The following RSF1 variants were observed in gnomAD, a reference collection of about 807,000 sequenced individuals.
The protein encoded by RSF1 is HBV pX-associated protein 8.
RSF1 carries 13 observed loss-of-function variants against 145.2 expected under a neutral mutation model. The ratio of observed to expected loss-of-function variants is 0.09; its 90% CI spans 0.06 to 0.14. RSF1 has a LOEUF of 0.14. RSF1 is among the 10% of genes least tolerant of loss of function. The pLI is 1.00. For synonymous variants in RSF1, 577 were observed against 592.6 expected, an observed-to-expected ratio of 0.97 and a Z score of 0.38; for missense variants, 1,517 against 1,718.2, an observed-to-expected ratio of 0.88 and a Z score of 2.07.
intron 1 of RSF1, among the ~76,000 whole-genome samples, chr11:77,776,623 G>A (rs1948345133): frequency 6.6e-6 from 1 of 152,112 alleles, no homozygotes; most frequent in Non-Finnish European, 1.5e-5. Flanking sequence ...CCAAGCCAAA[G>A]TTATCACTAT....
intron 5 of RSF1, 55 bp from the exon 6 acceptor site, chr11:77,702,550 T>G: frequency 8.3e-7 from 1 of 1,207,100 alleles, no homozygotes; most frequent in Non-Finnish European, 1.1e-6. Flanking sequence ...GGCTATAAAA[T>G]ATAAGACTTA....
the RSF1 span, among the ~76,000 whole-genome samples, chr11:77,833,009 A>ATTTTTT: frequency 1.2e-3 from 71 of 60,020 alleles, 5 homozygotes; most frequent in African/African-American, 4.2e-3. Flanking sequence ...ATATATATAT[A>ATTTTTT]TTTTTTTTTT....
intron 1 of RSF1, among the ~76,000 whole-genome samples, chr11:77,793,825 T>A (rs1025155476): frequency 2.0e-5 from 3 of 152,044 alleles, no homozygotes; most frequent in African/African-American, 7.3e-5. Flanking sequence ...CGGTCTTCCA[T>A]CAAGGGTGTA....
the RSF1 span, chr11:77,841,350 A>G: frequency 4.8e-6 from 3 of 623,390 alleles, 1 homozygote; most frequent in South Asian, 5.6e-5. Context: ...TGTCTACTTT[A>G]GTCTCTGTTC....
At chr11:77,778,247 CATGG>C (rs1948367947) in intron 1 of RSF1, among the ~76,000 whole-genome samples, 1 of 17,424 alleles carries the variant, frequency 5.7e-5, no homozygotes, top group African/African-American at 2.9e-4. Flanking sequence ...AAGGGGAGAG[CATGG>C]GGGAGGGAAG....
At chr11:77,722,700 C>T (rs1192780115) in intron 5 of RSF1, among the ~76,000 whole-genome samples, 3 of 152,166 alleles carry the variant, frequency 2.0e-5, no homozygotes, top group African/African-American at 2.4e-5. Flanking sequence ...CAAAGAGTTG[C>T]TATGAGGATT....
At position 77,662,729 on chromosome 11, in the gene RSF1, G is replaced by C. The variant is rs1037875398; in HGVS notation, c.*4188C>G. 2 of 152,134 alleles carry C rather than the reference G, an allele frequency of 1.3e-5. No homozygotes were observed. The highest frequency in any genetic ancestry group is 2.9e-5 in the Non-Finnish European group (2 of 67,996). 9.4% of individuals were successfully genotyped at this position (152,134 alleles called of 1,614,324 possible). On this transcript the variant is annotated 3_prime_UTR_variant, in exon 16 of 16. Coordinates refer to ENST00000308488, the MANE Select transcript of RSF1 (RefSeq NM_016578.4). ...GGCACACACTTTGGGAAAGGTAGAT[G>C]ATATAGGAATGGATTTTAATCTGAG...
chr11:77,774,814 T>G (rs1254288989), intron 1 of RSF1, among the ~76,000 whole-genome samples: 2 of 150,110 alleles, frequency 1.3e-5, no homozygotes. Context: ...CACCCCAGGC[T>G]GGTGTGCAAT....
At chr11:77,816,233 T>G (rs940063804) in intron 1 of RSF1, among the ~76,000 whole-genome samples, 1 of 152,230 alleles carries the variant, frequency 6.6e-6, no homozygotes, top group African/African-American at 2.4e-5. Context: ...TCTACCACTG[T>G]AGACTCATGC....
chr11:77,756,109 G>A (rs1407369005), intron 2 of RSF1, among the ~76,000 whole-genome samples: 1 of 152,000 alleles, frequency 6.6e-6, no homozygotes, highest in African/African-American at 2.4e-5. Context: ...TGTAATCCCA[G>A]CACTTTGGGA....
intron 1 of RSF1, among the ~76,000 whole-genome samples, chr11:77,792,734 T>A (rs1948532121): frequency 6.8e-6 from 1 of 146,868 alleles, no homozygotes; most frequent in African/African-American, 2.5e-5. Flanking sequence ...TATTCAAAGG[T>A]CTGAAAAAAA....
At chr11:77,752,458 T>C (rs1339942528) in intron 2 of RSF1, among the ~76,000 whole-genome samples, 2 of 152,154 alleles carry the variant, frequency 1.3e-5, no homozygotes, top group Admixed American at 1.3e-4. Flanking sequence ...TAACTGTTTT[T>C]TCACGCCCGC....
chr11:77,824,277 G>T (rs749204410), upstream of RSF1, among the ~76,000 whole-genome samples: 17 of 152,052 alleles, frequency 1.1e-4, no homozygotes, highest in Non-Finnish European at 1.9e-4. Context: ...GGAATGTAAA[G>T]GTGCAAAAAA....
intron 5 of RSF1, among the ~76,000 whole-genome samples, chr11:77,723,868 A>AAGG (rs1960992182): frequency 6.6e-6 from 1 of 152,236 alleles, no homozygotes; most frequent in African/African-American, 2.4e-5. Context: ...TCAATAACAA[A>AAGG]TATTAACTAA....
intron 1 of RSF1, among the ~76,000 whole-genome samples, chr11:77,765,665 C>T (rs142234025): frequency 3.3e-5 from 5 of 152,316 alleles, no homozygotes; most frequent in Admixed American, 2.0e-4. Flanking sequence ...CAGAGTTCCT[C>T]TAACTATTAT....
intron 1 of RSF1, among the ~76,000 whole-genome samples, chr11:77,789,848 C>T (rs1293622086): frequency 6.6e-6 from 1 of 152,236 alleles, no homozygotes; most frequent in East Asian, 1.9e-4. Context: ...GCTCAGCCCA[C>T]CACTGTTGGT....
chr11:77,684,085 T>C (rs570741163), intron 10 of RSF1, among the ~76,000 whole-genome samples: 3 of 152,218 alleles, frequency 2.0e-5, no homozygotes, highest in East Asian at 3.8e-4. Context: ...AAAACAGTCA[T>C]GATGAAGTTT....
chr11:77,850,160 T>C, the RSF1 span, among the ~76,000 whole-genome samples: 1 of 152,240 alleles, frequency 6.6e-6, no homozygotes, highest in Admixed American at 6.5e-5. Flanking sequence ...ATAATTCCTT[T>C]TTCATTAGTT....
intron 1 of RSF1, among the ~76,000 whole-genome samples, chr11:77,808,501 T>G: frequency 6.6e-6 from 1 of 151,744 alleles, no homozygotes; most frequent in East Asian, 1.9e-4. Flanking sequence ...TTCAATATAT[T>G]TTAGTATCCC....
Sources: gnomAD v4.1 joint callset for allele counts (sites outside exome capture counted in the v4.1 genomes callset) on GRCh38, gnomAD v4.1.1 for gene constraint, MANE v1.5 for transcripts, NCBI Gene and HGNC (gene_info 2026-07-23, HGNC 2026-07-21) for gene names.